DYNC2I1: variants seen among roughly 807,000 people sequenced by gnomAD.
The protein encoded by DYNC2I1 is dynein 2 intermediate chain 1, also known as cytoplasmic dynein 2 intermediate chain 1.
DYNC2I1 carries 89 observed loss-of-function variants against 133.4 expected under a neutral mutation model. The ratio of observed to expected loss-of-function variants is 0.67; its 90% confidence interval spans 0.56 to 0.80. DYNC2I1 has a LOEUF of 0.80. Ranked by LOEUF, DYNC2I1 falls within the 30% of genes least tolerant of loss-of-function variation. The pLI is 0.00. For synonymous variants in DYNC2I1, 504 were observed against 484.3 expected (o/e 1.04, Z -0.54); for missense variants, 1,291 against 1,314.5 (o/e 0.98, Z 0.28).
At chr7:158,895,081 A>T (rs2129482855) in intron 8 of DYNC2I1, among the ~76,000 whole-genome samples, 1 of 152,098 alleles carries the variant, frequency 6.6e-6, no homozygotes, top group Middle Eastern at 3.4e-3. Context: ...TTTTGCAAAT[A>T]TTTTCTCTCA....
chr7:158,919,967 T>C (rs1585170636), intron 15 of DYNC2I1, among the ~76,000 whole-genome samples: 1 of 151,808 alleles, frequency 6.6e-6, no homozygotes, highest in Admixed American at 6.6e-5. Context: ...ACACGTGAAG[T>C]GTGTGTGTGT....
At chr7:158,916,799 C>G (rs200458113) in intron 14 of DYNC2I1, among the ~76,000 whole-genome samples, 156 of 22,368 alleles carry the variant, frequency 7.0e-3, no homozygotes, top group Middle Eastern at 0.036. Flanking sequence ...CGCTGGTTGA[C>G]ATTAAGGATG....
intron 8 of DYNC2I1, among the ~76,000 whole-genome samples, chr7:158,897,903 A>G (rs1456987904): frequency 6.6e-6 from 1 of 152,196 alleles, no homozygotes; most frequent in Admixed American, 6.5e-5. Context: ...CCCTCTAAGC[A>G]CTGCTTTTGT....
intron 11 of DYNC2I1, among the ~76,000 whole-genome samples, chr7:158,910,031 T>C (rs1172346384): frequency 6.6e-6 from 1 of 152,152 alleles, no homozygotes; most frequent in Admixed American, 6.5e-5. Flanking sequence ...CACTCGGTCA[T>C]TCACTGTGCA....
In DYNC2I1 at chr7:158,942,112, T is replaced by TC; in HGVS notation, c.2966_2967insC (p.Pro991SerfsTer20). 1 of 1,579,740 alleles carries TC rather than the reference T, an allele frequency of 6.3e-7. No homozygotes were observed. The highest frequency in any genetic ancestry group is 8.6e-7 in the Non-Finnish European group (1 of 1,159,542). Reference sequence around the variant, plus strand: ...ATCTGGGACCTCCTCCAGAGCGATCTGGGTCCTGTCGCCAAACAGCAGGTC... The same window carrying TC: ...ATCTGGGACCTCCTCCAGAGCGATCTCGGGTCCTGTCGCCAAACAGCAGGTC... On this transcript the variant is annotated frameshift_variant, in exon 24 of 25. Coordinates refer to ENST00000407559, the MANE Select transcript of DYNC2I1 (RefSeq NM_018051.5). LOFTEE classifies it low-confidence loss of function (END_TRUNC).
intron 23 of DYNC2I1, among the ~76,000 whole-genome samples, chr7:158,934,791 T>C (rs1850586169): frequency 6.6e-6 from 1 of 152,174 alleles, no homozygotes; most frequent in African/African-American, 2.4e-5. Flanking sequence ...GGTCTCCCTG[T>C]GTTGCCTAGG....
Position 158,914,288 on chromosome 7 carries a change from A to C in DYNC2I1, c.1758A>C (p.Pro586=). The C allele has an allele frequency of 6.2e-7, 1 of 1,612,842 alleles. No homozygotes were observed. Among genetic ancestry groups the C allele is most frequent in the African/African-American group, 1.3e-5 (1 of 75,030 alleles). ...DAVVMPKIDT[P]RLCSFLRAAC... The stretch of plus-strand genomic sequence containing the variant: ...TAGTTATGCCAAAGATTGATACTCC[A>C]AGGTTATGTAGCTTTCTGCGGGCTG... Residue 586 remains proline, a synonymous_variant, in exon 14 of 25, where the codon CCA becomes CCC. Coordinates refer to ENST00000407559, the MANE Select transcript of DYNC2I1 (RefSeq NM_018051.5).
In DYNC2I1 at chr7:158,952,778, C is replaced by T. The variant is rs10258494; in HGVS notation, c.*57-3805C>T. 7.9e-3 allele frequency among the ~76,000 whole-genome samples: 1,200 copies of T among 151,652 alleles called. 56 individuals are homozygous for T. The highest frequency in any genetic ancestry group is 0.028 in the African/African-American group (1,137 of 41,068). Reference sequence around the variant, plus strand: ...GAGAAAAGGAGGGTGAACCCCCAGCCGCGTCGTAAGACAGAATCCGCACCT... The same window carrying T: ...GAGAAAAGGAGGGTGAACCCCCAGCTGCGTCGTAAGACAGAATCCGCACCT... On this transcript the variant is annotated intron_variant and NMD_transcript_variant, in intron 4 of 4. Transcript: ENST00000454771.
intron 21 of DYNC2I1, among the ~76,000 whole-genome samples, chr7:158,932,415 C>G (rs749117160): frequency 2.0e-5 from 3 of 151,690 alleles, no homozygotes; most frequent in Non-Finnish European, 2.9e-5. Context: ...TCAGTGGGTC[C>G]GATGTTGAGG....
intron 24 of DYNC2I1, among the ~76,000 whole-genome samples, chr7:158,944,297 A>G (rs1388488411): frequency 6.6e-6 from 1 of 151,800 alleles, no homozygotes; most frequent in South Asian, 2.1e-4. Flanking sequence ...GATTCTGTCT[A>G]CCTTAACAAA....
intron 3 of DYNC2I1, among the ~76,000 whole-genome samples, chr7:158,874,032 T>G (rs1436732410): frequency 6.6e-6 from 1 of 151,918 alleles, no homozygotes; most frequent in Non-Finnish European, 1.5e-5. Context: ...GTACTAGGAT[T>G]ATAGGCGTCA....
At chr7:158,901,480 C>T (rs1190525666) in intron 8 of DYNC2I1, among the ~76,000 whole-genome samples, 1 of 152,156 alleles carries the variant, frequency 6.6e-6, no homozygotes, top group Non-Finnish European at 1.5e-5. Context: ...TTGTAAAACA[C>T]TTAAAAAATT....
Position 158,942,028 on chromosome 7 carries a change from A to G in DYNC2I1, c.2882A>G (p.Gln961Arg). Residue 961 changes from glutamine to arginine, a missense_variant, in exon 24 of 25, where the codon CAG (glutamine) becomes CGG (arginine). By Grantham distance (43) the Gln-to-Arg change is conservative. Coordinates refer to ENST00000407559, the MANE Select transcript of DYNC2I1 (RefSeq NM_018051.5). ...STDSHAVTGL[Q>R]WSPTRPAVFL... is the part of the protein sequence containing the mutation. ...GACAGCCATGCGGTCACCGGCCTGC[A>G]GTGGTCCCCAACCAGGCCTGCCGTG... is the stretch of plus-strand genomic sequence containing the variant. 1 of 1,613,548 alleles carries G rather than the reference A, an allele frequency of 6.2e-7. No individual in the cohort carries two copies.
chr7:158,888,019 CTTT>C (rs545903783), intron 7 of DYNC2I1, among the ~76,000 whole-genome samples: 3 of 96,598 alleles, frequency 3.1e-5, no homozygotes, highest in African/African-American at 1.3e-4. Context: ...AACCATTGTC[CTTT>C]TTTTTTTTTT....
chr7:158,905,741 A>G (rs1846732521), intron 10 of DYNC2I1, among the ~76,000 whole-genome samples: 1 of 152,210 alleles, frequency 6.6e-6, no homozygotes, highest in African/African-American at 2.4e-5. Context: ...AAGTATTTCT[A>G]AAACTCTTTA....
intron 23 of DYNC2I1, among the ~76,000 whole-genome samples, chr7:158,937,605 G>C (rs1169953706): frequency 1.0e-5 from 1 of 100,438 alleles, no homozygotes; most frequent in Non-Finnish European, 2.0e-5. Flanking sequence ...CTGGGTGACA[G>C]GGTGAGACTG....
At chr7:158,895,024 T>C (rs1401043492) in intron 8 of DYNC2I1, among the ~76,000 whole-genome samples, 1 of 152,244 alleles carries the variant, frequency 6.6e-6, no homozygotes, top group Non-Finnish European at 1.5e-5. Flanking sequence ...TTGTTGAGTT[T>C]TAAGAGTTCT....
At chr7:158,927,851 G>A (rs1849779196) in intron 20 of DYNC2I1, among the ~76,000 whole-genome samples, 1 of 152,176 alleles carries the variant, frequency 6.6e-6, no homozygotes, top group Non-Finnish European at 1.5e-5. Flanking sequence ...CGTCCAGCCT[G>A]AGTGAATGTT....
intron 1 of DYNC2I1, among the ~76,000 whole-genome samples, chr7:158,858,739 C>A (rs118121439): frequency 1.3e-5 from 2 of 151,896 alleles, no homozygotes; most frequent in African/African-American, 2.4e-5. Flanking sequence ...GTTAGGCCTA[C>A]TGTTTCTTGG....
Sources: allele counts gnomAD v4.1 joint callset (sites outside exome capture counted in the v4.1 genomes callset), GRCh38; gene constraint gnomAD v4.1.1; transcripts MANE v1.5; gene names NCBI Gene and HGNC (gene_info 2026-07-23, HGNC 2026-07-21).